EXD3: variants seen among roughly 807,000 people sequenced by gnomAD.
EXD3 encodes exonuclease 3'-5' domain containing 3, also known as exonuclease mut-7 homolog.
EXD3 carries 92 observed loss-of-function variants against 98.0 expected under a neutral mutation model. The ratio of observed to expected loss-of-function variants is 0.94; its 90% CI spans 0.79 to 1.12. The LOEUF (loss-of-function observed/expected upper bound fraction) is 1.12. Among genes scored for constraint, EXD3 ranks in the 50% most tolerant of loss-of-function variants. The pLI is 0.00. For synonymous variants in EXD3, 569 were observed against 526.0 expected (o/e 1.08, Z -1.12); for missense variants, 1,222 against 1,191.6 (o/e 1.03, Z -0.38).
chr9:137,354,468 T>A (rs1834503116), intron 9 of EXD3, 91 bp from the exon 10 acceptor site: 2 of 1,584,478 alleles, frequency 1.3e-6, no homozygotes, highest in Admixed American at 1.8e-5. Flanking sequence ...CCTGGCAGGG[T>A]ACATCCTTGG....
chr9:137,420,113 T>C lies in EXD3; in HGVS notation c.-48+3001A>G, dbSNP rs540179932. On this transcript the variant is annotated intron_variant, in intron 1 of 21. Transcript: ENST00000340951. ...AGGCGGAGCTGGCAGTGAGCCGAGA[T>C]TGTACCACTGCACTCCAGCCTGGGC... is the stretch of plus-strand genomic sequence containing the variant. Among the ~76,000 whole-genome samples the C allele has an allele frequency of 3.1e-3, 464 of 152,068 alleles. 4 individuals are homozygous for C. Among genetic ancestry groups the C allele is most frequent in the African/African-American group, 0.011 (443 of 41,472 alleles).
Position 137,387,147 on chromosome 9 carries a change from TGGCCCTCGGCCCCCGCTCCCTGCC to T in EXD3, c.56-3794_56-3771del, listed in dbSNP as rs1288232803. On this transcript the variant is annotated intron_variant, in intron 2 of 21. Transcript: ENST00000340951. ...TCCCTCAGCGCCTCTGTTCCCTGCC[TGGCCCTCGGCCCCCGCTCCCTGCC>T]TGGCCCCCGGCCCCTGCCCTTCTGC... 9.8e-4 allele frequency among the ~76,000 whole-genome samples: 75 copies of T among 76,576 alleles called. 4 individuals are homozygous for T. The African/African-American group carries it at 0.012, about 12-fold the overall frequency. 50.2% of individuals were successfully genotyped at this position (76,576 alleles called of 152,430 possible).
At chr9:137,373,331 G>T in intron 4 of EXD3, 95 bp downstream of exon 4, 1 of 1,418,118 alleles carries the variant, frequency 7.1e-7, no homozygotes, top group Non-Finnish European at 9.6e-7. Context: ...CTTGCTGAGC[G>T]GGCTGCAAAG....
In EXD3 at chr9:137,319,699, C is replaced by T. The variant is rs1298732056; in HGVS notation, c.2184+4026G>A. On this transcript the variant is annotated intron_variant, in intron 19 of 21. Transcript: ENST00000340951. ...CCCTGGGCTGTGGGCATTGGGCCAC[C>T]ACCCGGCTGAGGCACTTGTGCAAAG... Among the ~76,000 whole-genome samples the T allele has an allele frequency of 2.6e-5, 4 of 152,216 alleles. 1 individual carries two copies. The highest frequency in any genetic ancestry group is 2.0e-4 in the Admixed American group (3 of 15,284).
chr9:137,397,065 G>A (rs529369635), intron 1 of EXD3, among the ~76,000 whole-genome samples: 5 of 152,304 alleles, frequency 3.3e-5, no homozygotes, highest in East Asian at 1.9e-4. Context: ...CAGGACCCGC[G>A]GCCCCAGGGC....
At chr9:137,389,312 C>T (rs988123552) in intron 2 of EXD3, among the ~76,000 whole-genome samples, 5 of 146,288 alleles carry the variant, frequency 3.4e-5, no homozygotes, top group African/African-American at 1.0e-4. Flanking sequence ...AAGGGGCTCC[C>T]GGAGGTCCAG....
At chr9:137,401,398 G>C (rs1174940836) in intron 1 of EXD3, among the ~76,000 whole-genome samples, 1 of 152,022 alleles carries the variant, frequency 6.6e-6, no homozygotes, top group Non-Finnish European at 1.5e-5. Flanking sequence ...CTTGTGATCT[G>C]CCTGCCTCGG....
At chr9:137,351,006 G>A (rs1329596839) in intron 14 of EXD3, 32 bp downstream of exon 14, 17 of 1,537,794 alleles carry the variant, frequency 1.1e-5, no homozygotes, top group Admixed American at 4.0e-5. Flanking sequence ...AGGCCCACCC[G>A]GCATCTTGTG....
chr9:137,352,039 C>T (rs780729225), intron 12 of EXD3, 27 bp downstream of exon 12: 13 of 1,591,528 alleles, frequency 8.2e-6, no homozygotes, highest in African/African-American at 1.3e-5. Flanking sequence ...CACCACCGGG[C>T]GCTGCCCCAG....
At chr9:137,396,970 G>A (rs1034920152) in intron 1 of EXD3, among the ~76,000 whole-genome samples, 8 of 152,248 alleles carry the variant, frequency 5.3e-5, no homozygotes, top group Admixed American at 4.6e-4. Context: ...GTCCCACCAT[G>A]CCGAGGGGGC....
intron 2 of EXD3, among the ~76,000 whole-genome samples, chr9:137,390,212 T>C (rs561718966): frequency 8.2e-5 from 12 of 146,102 alleles, no homozygotes; most frequent in East Asian, 6.1e-4. Context: ...GGGCGGATCA[T>C]GAGGTCAGGA....
intron 19 of EXD3, among the ~76,000 whole-genome samples, chr9:137,311,730 G>A (rs757151459): frequency 6.2e-4 from 94 of 152,222 alleles, no homozygotes; most frequent in Non-Finnish European, 2.6e-4. Flanking sequence ...CCCACTGGCT[G>A]TGCCCGCCCT....
In EXD3 at chr9:137,352,602, C is replaced by T. The variant is rs750731278; in HGVS notation, c.1037+18G>A. ...GGCGGAACCCACCCCTGGCTGGGGT[C>T]ACCCTGGCGGCGCTCACCTCCCCTG... On this transcript the variant is annotated intron_variant, in intron 11 of 21. Coordinates refer to ENST00000340951, the MANE Select transcript of EXD3 (RefSeq NM_017820.5). 5 of 1,523,386 alleles carry T rather than the reference C, an allele frequency of 3.3e-6. No homozygotes were observed. The South Asian group carries it at 6.1e-5, about 19-fold the overall frequency. 94.4% of individuals were successfully genotyped at this position (1,523,386 alleles called of 1,614,324 possible).
Position 137,336,945 on chromosome 9 carries a change from A to G in EXD3, c.1998+11126T>C, listed in dbSNP as rs535851160. Among the ~76,000 whole-genome samples, 110 of 152,268 alleles carry G rather than the reference A, an allele frequency of 7.2e-4. 1 individual carries two copies. Among genetic ancestry groups the G allele is most frequent in the African/African-American group, 2.4e-3 (101 of 41,568 alleles). On this transcript the variant is annotated intron_variant, in intron 17 of 21. Coordinates refer to ENST00000340951, the MANE Select transcript of EXD3 (RefSeq NM_017820.5). The stretch of plus-strand genomic sequence containing the variant: ...ATAAACATAAAAGGACTAAACTAAT[A>G]AGTTAAAAGGCAAAGACTGTCAGAC...
chr9:137,410,111 G>A (rs1268280553), intron 1 of EXD3, among the ~76,000 whole-genome samples: 1 of 152,132 alleles, frequency 6.6e-6, no homozygotes, highest in African/African-American at 2.4e-5. Context: ...GGGAGATGAA[G>A]GTTGCAGTGA....
intron 17 of EXD3, among the ~76,000 whole-genome samples, chr9:137,342,473 T>C (rs2119186921): frequency 6.6e-6 from 1 of 152,282 alleles, no homozygotes; most frequent in African/African-American, 2.4e-5. Context: ...GCATAAGTTG[T>C]AATGACATTT....
chr9:137,420,743 C>CCG (rs928435782), intron 1 of EXD3, among the ~76,000 whole-genome samples: 13 of 147,534 alleles, frequency 8.8e-5, no homozygotes, highest in African/African-American at 3.2e-4. Context: ...ATTCACCCCC[C>CCG]CCCCCAAATT....
chr9:137,395,108 GACA>G lies in EXD3; in HGVS notation c.55+192_55+194del, dbSNP rs1448693136. 1.3e-5 allele frequency among the ~76,000 whole-genome samples: 2 copies of G among 152,088 alleles called. No individual in the cohort carries two copies. Among genetic ancestry groups the G allele is most frequent in the African/African-American group, 4.8e-5 (2 of 41,432 alleles). ...GAGGCGGCCTGTCCTGACCCCCGAG[GACA>G]ACAAGGCCACAGTGGGGCCTCCGGA... On this transcript the variant is annotated intron_variant, in intron 2 of 21. Transcript: ENST00000340951. The surrounding 1 kb of genome is among the most constrained non-coding windows in gnomAD (Gnocchi z 6.5).
At chr9:137,330,990 G>C (rs1346777119) in intron 17 of EXD3, among the ~76,000 whole-genome samples, 1 of 152,114 alleles carries the variant, frequency 6.6e-6, no homozygotes, top group Admixed American at 6.6e-5. Context: ...ATGACAGCAG[G>C]GAAGGTATGA....
Sources: allele counts gnomAD v4.1 joint callset (sites outside exome capture counted in the v4.1 genomes callset), GRCh38; gene constraint gnomAD v4.1.1; non-coding constraint Gnocchi (gnomAD v3.1); transcripts MANE v1.5; gene names NCBI Gene and HGNC (gene_info 2026-07-23, HGNC 2026-07-21).